The following GRM8 variants were observed in gnomAD, a reference collection of about 807,000 sequenced individuals.
GRM8 encodes metabotropic glutamate receptor 8.
Under a neutral mutation model 87.2 loss-of-function variants are expected in GRM8, and 47 were observed. The ratio of observed to expected loss-of-function variants is 0.54; its 90% CI spans 0.43 to 0.69. The LOEUF is 0.69. GRM8 is among the 30% of genes least tolerant of loss of function. GRM8 has a pLI of 0.00. For synonymous variants in GRM8, 396 were observed against 404.5 expected (o/e 0.98, Z 0.25); for missense variants, 1,019 against 1,139.2 (o/e 0.89, Z 1.52).
At chr7:126,909,173 A>T (rs1467852959) in intron 3 of GRM8, among the ~76,000 whole-genome samples, 1 of 152,256 alleles carries the variant, frequency 6.6e-6, no homozygotes, top group African/African-American at 2.4e-5. Flanking sequence ...ATAACAGCAT[A>T]AGATACACCA....
chr7:126,772,476 G>T (rs1385198291), intron 6 of GRM8, among the ~76,000 whole-genome samples: 1 of 152,058 alleles, frequency 6.6e-6, no homozygotes, highest in Non-Finnish European at 1.5e-5. Context: ...TGCTGGGTCA[G>T]AATCTCCCTA....
chr7:127,014,039 A>C (rs977073682), intron 3 of GRM8, among the ~76,000 whole-genome samples: 1 of 152,176 alleles, frequency 6.6e-6, no homozygotes, highest in Non-Finnish European at 1.5e-5. Context: ...GCCACAGCAG[A>C]AATGTAAAGG....
intron 7 of GRM8, among the ~76,000 whole-genome samples, chr7:126,646,779 T>C (rs1410131992): frequency 2.0e-5 from 3 of 152,250 alleles, no homozygotes; most frequent in African/African-American, 4.8e-5. Flanking sequence ...AAGTGCTTAA[T>C]CTTGTACTTG....
chr7:126,652,336 T>A (rs995426422), intron 7 of GRM8, among the ~76,000 whole-genome samples: 5 of 152,122 alleles, frequency 3.3e-5, no homozygotes, highest in Non-Finnish European at 7.4e-5. Context: ...CTCAGATGCG[T>A]ATGGGTTCAA....
At chr7:126,844,948 G>A (rs757007192) in intron 6 of GRM8, among the ~76,000 whole-genome samples, 3 of 152,116 alleles carry the variant, frequency 2.0e-5, no homozygotes, top group Admixed American at 6.5e-5. Context: ...GAGAGAGGGC[G>A]GAATTTAGTC....
intron 3 of GRM8, among the ~76,000 whole-genome samples, chr7:126,956,698 T>C (rs919249766): frequency 1.3e-5 from 2 of 152,186 alleles, no homozygotes; most frequent in Admixed American, 1.3e-4. Flanking sequence ...TATTTTCTAA[T>C]ACTTTCATTA....
chr7:126,825,510 A>C (rs1178116002), intron 6 of GRM8, among the ~76,000 whole-genome samples: 3 of 152,248 alleles, frequency 2.0e-5, no homozygotes, highest in African/African-American at 7.2e-5. Context: ...AATAAGCGGC[A>C]GATTACCAAG....
At chr7:126,530,687 T>C (rs992771514) in intron 9 of GRM8, among the ~76,000 whole-genome samples, 1 of 152,270 alleles carries the variant, frequency 6.6e-6, no homozygotes, top group Non-Finnish European at 1.5e-5. Flanking sequence ...ACCAGCTCTT[T>C]GGTCCTCCAA....
chr7:126,615,065 A>G (rs1314175052), intron 7 of GRM8, among the ~76,000 whole-genome samples: 1 of 152,180 alleles, frequency 6.6e-6, no homozygotes, highest in Non-Finnish European at 1.5e-5. Context: ...TCCAAGACAC[A>G]TAATTGTCAG....
chr7:126,775,266 C>T lies in GRM8; in HGVS notation c.1157-5201G>A, dbSNP rs142831879. 2.0e-5 allele frequency among the ~76,000 whole-genome samples: 3 copies of T among 152,208 alleles called. No individual in the cohort carries two copies. In the East Asian group the frequency reaches 5.8e-4, roughly 29 times the overall value. On this transcript the variant is annotated intron_variant, in intron 6 of 10. Transcript: ENST00000339582. Reference sequence around the variant, plus strand: ...GCTATGAATAAATACATTTATGCATCTAGGCCCAGATTTAGAAGTCATTCT... The same window carrying T: ...GCTATGAATAAATACATTTATGCATTTAGGCCCAGATTTAGAAGTCATTCT...
chr7:127,121,345 A>T, intron 2 of GRM8, among the ~76,000 whole-genome samples: 1 of 152,140 alleles, frequency 6.6e-6, no homozygotes, highest in East Asian at 1.9e-4. Context: ...AAATAGAGGG[A>T]GAGAATAGTA....
chr7:127,023,512 G>A (rs1031079036), intron 3 of GRM8, among the ~76,000 whole-genome samples: 11 of 151,962 alleles, frequency 7.2e-5, no homozygotes, highest in African/African-American at 1.4e-4. Flanking sequence ...TTTCAAACCC[G>A]GACAGTGGTA....
chr7:126,565,055 C>T (rs746886735), intron 8 of GRM8, among the ~76,000 whole-genome samples: 9 of 152,058 alleles, frequency 5.9e-5, no homozygotes, highest in Non-Finnish European at 1.0e-4. Flanking sequence ...AAGGAAAATA[C>T]CTCAACATAA....
chr7:126,877,235 A>G (rs1333550110), intron 6 of GRM8, among the ~76,000 whole-genome samples: 1 of 152,096 alleles, frequency 6.6e-6, no homozygotes, highest in Non-Finnish European at 1.5e-5. Context: ...GCCTGCTTCT[A>G]AATATGTTTG....
chr7:126,897,175 C>A (rs1801626085), intron 6 of GRM8, among the ~76,000 whole-genome samples: 2 of 152,252 alleles, frequency 1.3e-5, no homozygotes, highest in Non-Finnish European at 2.9e-5. Context: ...AAAGACCCGG[C>A]CTGAGTCCAG....
At chr7:126,638,878 T>C (rs897445074) in intron 7 of GRM8, among the ~76,000 whole-genome samples, 7 of 152,184 alleles carry the variant, frequency 4.6e-5, no homozygotes, top group Non-Finnish European at 1.5e-5. Context: ...ATCTTTCCTT[T>C]GACTGTGGGC....
chr7:126,550,125 T>G (rs139553365), intron 8 of GRM8, among the ~76,000 whole-genome samples: 3 of 150,156 alleles, frequency 2.0e-5, no homozygotes, highest in Admixed American at 6.6e-5. Context: ...TGTTTTTTTG[T>G]TTTTTTTTCC....
chr7:126,651,555 C>T (rs757011104), intron 7 of GRM8, among the ~76,000 whole-genome samples: 8 of 152,106 alleles, frequency 5.3e-5, no homozygotes, highest in Non-Finnish European at 1.0e-4. Flanking sequence ...CCTGGTACCG[C>T]GACATTATGT....
At chr7:126,654,759 A>G (rs1010864901) in intron 7 of GRM8, among the ~76,000 whole-genome samples, 2 of 152,206 alleles carry the variant, frequency 1.3e-5, no homozygotes, top group Non-Finnish European at 2.9e-5. Flanking sequence ...TTTAGGTTTA[A>G]CAGTCTTAAA....
Sources: allele counts gnomAD v4.1 joint callset (sites outside exome capture counted in the v4.1 genomes callset), GRCh38; gene constraint gnomAD v4.1.1; transcripts MANE v1.5; gene names NCBI Gene and HGNC (gene_info 2026-07-23, HGNC 2026-07-21).